The following RAB37 variants were observed in gnomAD, a reference collection of about 807,000 sequenced individuals.
RAB37 encodes ras-related protein Rab-37.
RAB37 carries 29 observed loss-of-function variants against 33.1 expected under a neutral mutation model. That is an observed-to-expected ratio of 0.88 (90% CI 0.65 to 1.20). The LOEUF is 1.20. Ranked by LOEUF, RAB37 falls within the 50% of genes most tolerant of loss-of-function variation. The probability of loss-of-function intolerance (pLI) is 0.00; values close to 1 mark genes in which losing one functional copy is unlikely to be tolerated. For missense variants in RAB37, 299 were observed against 301.1 expected (o/e 0.99, Z 0.05); for synonymous variants, 128 against 119.5 (o/e 1.07, Z -0.47).
chr17:74,707,788 AATAAG>A (rs370990801), intron 1 of RAB37, among the ~76,000 whole-genome samples: 4 of 152,204 alleles, frequency 2.6e-5, no homozygotes, highest in Non-Finnish European at 4.4e-5. Flanking sequence ...ATAAACCATG[AATAAG>A]ATAAAAGGAT....
intron 1 of RAB37, chr17:74,698,509 A>T (rs776671485): frequency 1.6e-5 from 26 of 1,593,948 alleles, no homozygotes; most frequent in Non-Finnish European, 2.2e-5. Flanking sequence ...CGTCCCCTGC[A>T]TCCCAGGCTC....
Position 74,745,432 on chromosome 17 carries a change from G to A in RAB37, c.*21G>A. On this transcript the variant is annotated 3_prime_UTR_variant, in exon 9 of 9. Transcript: ENST00000392613. The surrounding 1 kb of genome is among the most constrained non-coding windows in gnomAD (Gnocchi z 4.5). ...TGTGAATCCCAGGGGGCAGAGAGGA[G>A]GCTCTGGAGGCACACAGGATGCAGC... is the stretch of plus-strand genomic sequence containing the variant. 1 of 1,583,296 alleles carries A rather than the reference G, an allele frequency of 6.3e-7. No homozygotes were observed. Among genetic ancestry groups the A allele is most frequent in the South Asian group, 1.1e-5 (1 of 90,424 alleles).
intron 1 of RAB37, among the ~76,000 whole-genome samples, chr17:74,723,778 T>C (rs2034272120): frequency 6.6e-6 from 1 of 152,076 alleles, no homozygotes; most frequent in Non-Finnish European, 1.5e-5. Context: ...GGTTTCACTA[T>C]GTTGGCAGGC....
At chr17:74,684,720 G>A (rs2032020055) in intron 1 of RAB37, among the ~76,000 whole-genome samples, 1 of 152,130 alleles carries the variant, frequency 6.6e-6, no homozygotes, top group Non-Finnish European at 1.5e-5. Context: ...AACCTGGGAG[G>A]CAGAGGTTGC....
rs1166286922 is a variant in RAB37, at chr17:74,729,222, G to A, written c.73-34G>A. ...ACCTCTGAGGCCAACTCACATCACA[G>A]GCCCTCAGCTCTCTCTCTATTGTTC... On this transcript the variant is annotated intron_variant, in intron 1 of 7. Transcript: ENST00000340415. This position sits in a 1 kb window ranked among gnomAD's most constrained non-coding sequence, Gnocchi z 4.2. 6.6e-7 allele frequency: 1 copy of A among 1,518,974 alleles called. No homozygotes were observed. The allele number at this position is 1,518,974 out of a possible 1,614,324, so 94.1% of individuals were successfully genotyped here.
intron 1 of RAB37, among the ~76,000 whole-genome samples, chr17:74,717,012 G>A (rs2034173304): frequency 6.6e-6 from 1 of 152,204 alleles, no homozygotes; most frequent in Non-Finnish European, 1.5e-5. Flanking sequence ...ATAGGTACCT[G>A]TAGTCCCAGC....
chr17:74,718,046 A>G (rs2034189476), intron 1 of RAB37, among the ~76,000 whole-genome samples: 2 of 152,108 alleles, frequency 1.3e-5, no homozygotes, highest in African/African-American at 4.8e-5. Context: ...CTGTAATCCC[A>G]GCACTTTGGG....
At chr17:74,720,674 C>T (rs1361974179) in intron 1 of RAB37, among the ~76,000 whole-genome samples, 7 of 152,130 alleles carry the variant, frequency 4.6e-5, no homozygotes, top group African/African-American at 1.4e-4. Flanking sequence ...GCCAGCTCAG[C>T]GGAGAGTCAA....
chr17:74,722,740 T>C (rs2034257891), intron 1 of RAB37, among the ~76,000 whole-genome samples: 1 of 152,236 alleles, frequency 6.6e-6, no homozygotes, highest in African/African-American at 2.4e-5. Flanking sequence ...CCATATGTCA[T>C]ATGTCTCGAA....
At chr17:74,672,467 G>A (rs1456512999) in intron 1 of RAB37, among the ~76,000 whole-genome samples, 2 of 152,138 alleles carry the variant, frequency 1.3e-5, no homozygotes, top group African/African-American at 4.8e-5. Context: ...TTGAAAAGCT[G>A]TACGTGATCC....
At chr17:74,698,688 G>A (rs1032292880) in intron 1 of RAB37, 3 of 1,288,284 alleles carry the variant, frequency 2.3e-6, no homozygotes, top group Non-Finnish European at 1.0e-6. Flanking sequence ...TGGAACAAGA[G>A]ACACCAGGGC....
At position 74,730,887 on chromosome 17, in the gene RAB37, C is replaced by T. The variant is rs923237091; in HGVS notation, c.183+1521C>T. Among the ~76,000 whole-genome samples, 3 of 152,196 alleles carry T rather than the reference C, an allele frequency of 2.0e-5. No individual in the cohort carries two copies. Among genetic ancestry groups the T allele is most frequent in the Non-Finnish European group, 2.9e-5 (2 of 68,032 alleles). On this transcript the variant is annotated intron_variant, in intron 2 of 7. Transcript: ENST00000340415. The surrounding 1 kb of genome is among the most constrained non-coding windows in gnomAD (Gnocchi z 4.4). ...GCTAGCTTGGCAAGAAAATTGAGGC[C>T]GATTTCCTGTGAAGGAAAAAGAAAG...
rs1344107385 is a variant in RAB37, at chr17:74,729,506, G to A, written c.183+140G>A. On this transcript the variant is annotated intron_variant, in intron 2 of 7. Coordinates refer to the RAB37 transcript ENST00000340415. This position sits in a 1 kb window ranked among gnomAD's most constrained non-coding sequence, Gnocchi z 4.2. ...TAAGGAGAAGACTGTTCCCCAAGGT[G>A]TAGGAGGGTGTTGGGTGACCAGGAG... 1 of 695,684 alleles carries A rather than the reference G, an allele frequency of 1.4e-6. No individual in the cohort carries two copies. The highest frequency in any genetic ancestry group is 2.6e-5 in the East Asian group (1 of 38,106). 43.1% of individuals were successfully genotyped at this position (695,684 alleles called of 1,614,324 possible).
chr17:74,689,302 G>T (rs2032115511), intron 1 of RAB37, among the ~76,000 whole-genome samples: 1 of 152,040 alleles, frequency 6.6e-6, no homozygotes, highest in African/African-American at 2.4e-5. Flanking sequence ...AATTAGCCAG[G>T]CATGGTGGCA....
rs1301680106 is a variant in RAB37, at chr17:74,746,274, G to A, written c.*863G>A. 6.6e-6 allele frequency: 1 copy of A among 152,206 alleles called. No homozygotes were observed. Among genetic ancestry groups the A allele is most frequent in the Non-Finnish European group, 1.5e-5 (1 of 68,080 alleles). 9.4% of individuals were successfully genotyped at this position (152,206 alleles called of 1,614,324 possible). Reference sequence around the variant, plus strand: ...GTCTCGTTCTGTCGCCCAGGCTGAGGTGCAGTAGTGCAATCTCCGCTCACT... The same window carrying A: ...GTCTCGTTCTGTCGCCCAGGCTGAGATGCAGTAGTGCAATCTCCGCTCACT... On this transcript the variant is annotated 3_prime_UTR_variant, in exon 9 of 9. Transcript: ENST00000392613. This position sits in a 1 kb window ranked among gnomAD's most constrained non-coding sequence, Gnocchi z 5.2.
chr17:74,715,942 A>G (rs1238236291), intron 1 of RAB37, among the ~76,000 whole-genome samples: 1 of 152,184 alleles, frequency 6.6e-6, no homozygotes, highest in Non-Finnish European at 1.5e-5. Context: ...AGGCAAGAGA[A>G]TTGCTTGAAC....
chr17:74,710,020 C>T (rs1026102708), intron 1 of RAB37, among the ~76,000 whole-genome samples: 1 of 152,112 alleles, frequency 6.6e-6, no homozygotes, highest in Admixed American at 6.6e-5. Context: ...GCTCTGTCGC[C>T]CAGGCTGGAG....
chr17:74,744,835 G>T lies in RAB37; in HGVS notation c.433-38G>T. The T allele has an allele frequency of 6.2e-7, 1 of 1,612,322 alleles. No individual in the cohort carries two copies. Among genetic ancestry groups the T allele is most frequent in the Non-Finnish European group, 8.5e-7 (1 of 1,178,322 alleles). On this transcript the variant is annotated intron_variant, in intron 6 of 8. Coordinates refer to ENST00000392613, the MANE Select transcript of RAB37 (RefSeq NM_001006638.3). This position sits in a 1 kb window ranked among gnomAD's most constrained non-coding sequence, Gnocchi z 4.2. ...CAAAATATGGGCCCGCTGGGGCGGAGGCCTCCTTCCCCAGAGTGACCCATT... is the reference window on the plus strand; with the variant it reads ...CAAAATATGGGCCCGCTGGGGCGGATGCCTCCTTCCCCAGAGTGACCCATT...
At chr17:74,736,839 C>A (rs2034482642), upstream of RAB37, 1 of 1,528,680 alleles carries the variant, frequency 6.5e-7, no homozygotes, top group Non-Finnish European at 8.7e-7. Context: ...GCCCAGGGGT[C>A]CCCAGCTCCC....
Sources: gnomAD v4.1 joint callset for allele counts (sites outside exome capture counted in the v4.1 genomes callset) on GRCh38, gnomAD v4.1.1 for gene constraint, Gnocchi (gnomAD v3.1) non-coding constraint, MANE v1.5 for transcripts, NCBI Gene and HGNC (gene_info 2026-07-23, HGNC 2026-07-21) for gene names.